Variants in TRPM2 observed in about 807,000 individuals in gnomAD.
TRPM2 encodes transient receptor potential cation channel subfamily M member 2, also known as estrogen-responsive element-associated gene 1 protein.
A neutral mutation model predicts 174.0 loss-of-function variants in TRPM2; 161 were observed. That is an observed-to-expected ratio of 0.93 (90% CI 0.81 to 1.05). The LOEUF is 1.05. Ranked by LOEUF, TRPM2 falls within the 50% of genes least tolerant of loss-of-function variation. The pLI, the probability that TRPM2 is intolerant of heterozygous loss-of-function variation, is 0.00. For missense variants in TRPM2, 2,057 were observed against 2,038.0 expected, an observed-to-expected ratio of 1.01 and a Z score of -0.18; for synonymous variants, 954 against 861.3, an observed-to-expected ratio of 1.11 and a Z score of -1.88.
chr21:44,427,205 TAAAAC>T, intron 27 of TRPM2, 94 bp downstream of exon 27: 3 of 1,124,440 alleles, frequency 2.7e-6, no homozygotes, highest in Non-Finnish European at 3.7e-6. Context: ...ATTTTTCTCA[TAAAAC>T]AAAATCAAAA....
chr21:44,426,815 CAG>C (rs2050802376), intron 26 of TRPM2, 79 bp downstream of exon 26: 3 of 1,559,288 alleles, frequency 1.9e-6, no homozygotes, highest in Non-Finnish European at 2.6e-6. Context: ...GAATCCCAGT[CAG>C]AGCCCAGCCC....
intron 2 of TRPM2, among the ~76,000 whole-genome samples, chr21:44,355,011 C>T (rs770964555): frequency 3.9e-5 from 6 of 151,946 alleles, no homozygotes; most frequent in Admixed American, 1.3e-4. Flanking sequence ...TGTCGCGCGG[C>T]GAGGCCCAGT....
At chr21:44,362,940 A>AT (rs2048258812) in intron 2 of TRPM2, among the ~76,000 whole-genome samples, 1 of 151,944 alleles carries the variant, frequency 6.6e-6, no homozygotes, top group African/African-American at 2.4e-5. Flanking sequence ...TGCCCAGCTG[A>AT]TTTTTTAGAT....
chr21:44,351,730 G>T (rs1005198059), upstream of TRPM2, among the ~76,000 whole-genome samples: 1 of 152,178 alleles, frequency 6.6e-6, no homozygotes, highest in Non-Finnish European at 1.5e-5. Context: ...GCACTGGGTC[G>T]AGCCATTGGC....
At chr21:44,363,672 G>A (rs921795445) in intron 2 of TRPM2, among the ~76,000 whole-genome samples, 1 of 152,144 alleles carries the variant, frequency 6.6e-6, no homozygotes, top group Non-Finnish European at 1.5e-5. Context: ...GGCGTTGGTG[G>A]CTGTTAGCTG....
intron 23 of TRPM2, among the ~76,000 whole-genome samples, chr21:44,424,366 G>T (rs2050672910): frequency 6.6e-6 from 1 of 152,216 alleles, no homozygotes; most frequent in African/African-American, 2.4e-5. Context: ...GCCATGCTGG[G>T]ACCCCTGACA....
In TRPM2 at chr21:44,379,273, A is replaced by G. The variant is rs905825056; in HGVS notation, c.1215+76A>G. ...CACTGTCAGCCTGGTGGGCAGGACC[A>G]GGACTCATGGACCGATGCGGAGAAC... On this transcript the variant is annotated intron_variant, in intron 8 of 31. Transcript: ENST00000397928. The G allele has an allele frequency of 2.6e-6, 4 of 1,537,078 alleles. No homozygotes were observed. The South Asian group carries it at 4.7e-5, about 18-fold the overall frequency.
intron 30 of TRPM2, among the ~76,000 whole-genome samples, chr21:44,440,331 T>G (rs547168694): frequency 0.014 from 199 of 14,364 alleles, no homozygotes; most frequent in Non-Finnish European, 0.023. Flanking sequence ...AAAAAAAAAG[T>G]GATCAATGCC....
chr21:44,405,379 G>A, intron 17 of TRPM2, 119 bp downstream of exon 17: 1 of 1,465,820 alleles, frequency 6.8e-7, no homozygotes, highest in Admixed American at 2.0e-5. Context: ...TGTGAACCCT[G>A]GATTGTCATC....
At chr21:44,423,615 T>A in intron 22 of TRPM2, 30 bp from the exon 23 acceptor site, 1 of 1,594,274 alleles carries the variant, frequency 6.3e-7, no homozygotes, top group Non-Finnish European at 8.5e-7. Context: ...AGGTGTGGTG[T>A]GCGTCCAGCT....
chr21:44,427,378 C>A (rs761109906), intron 27 of TRPM2, among the ~76,000 whole-genome samples: 1 of 152,104 alleles, frequency 6.6e-6, no homozygotes, highest in Non-Finnish European at 1.5e-5. Context: ...TGTCTGTGTA[C>A]GTGGGGATGG....
At chr21:44,413,679 GC>G (rs1192699283) in intron 19 of TRPM2, among the ~76,000 whole-genome samples, 1 of 152,160 alleles carries the variant, frequency 6.6e-6, no homozygotes, top group Non-Finnish European at 1.5e-5. Context: ...GTGCAGCTCT[GC>G]CCCCGGGGCC....
intron 5 of TRPM2, among the ~76,000 whole-genome samples, chr21:44,370,256 G>A (rs924639436): frequency 6.6e-6 from 1 of 152,160 alleles, no homozygotes; most frequent in Middle Eastern, 3.2e-3. Flanking sequence ...CCGAACCGGA[G>A]CTTTTAGCAC....
Position 44,438,730 on chromosome 21 carries a change from G to A in TRPM2, c.4168-337G>A, listed in dbSNP as rs1212849922. Among the ~76,000 whole-genome samples, 4 of 152,140 alleles carry A rather than the reference G, an allele frequency of 2.6e-5. No homozygotes were observed. The highest frequency in any genetic ancestry group is 2.1e-4 in the South Asian group (1 of 4,836). On this transcript the variant is annotated intron_variant, in intron 29 of 31. Coordinates refer to ENST00000397928, the MANE Select transcript of TRPM2 (RefSeq NM_003307.4). The surrounding 1 kb of genome is among the most constrained non-coding windows in gnomAD (Gnocchi z 5.9). ...GCACTGGGCGGGAGCTGGGAGGGGC[G>A]ACGCGGGGGCAGGCGCCAGGGGAGC...
At chr21:44,370,300 C>CGG (rs2048495551) in intron 5 of TRPM2, among the ~76,000 whole-genome samples, 1 of 152,102 alleles carries the variant, frequency 6.6e-6, no homozygotes, top group Admixed American at 6.6e-5. Flanking sequence ...CTCCTGCAGC[C>CGG]GGGAATCCCA....
At chr21:44,407,223 G>A (rs536659222) in intron 19 of TRPM2, among the ~76,000 whole-genome samples, 63 of 78,930 alleles carry the variant, frequency 8.0e-4, no homozygotes, top group African/African-American at 3.1e-3. Flanking sequence ...CACCTCCTGC[G>A]CTCAAGTCCT....
intron 19 of TRPM2, among the ~76,000 whole-genome samples, chr21:44,407,128 T>G (rs931219256): frequency 8.5e-6 from 1 of 118,048 alleles, no homozygotes; most frequent in Non-Finnish European, 1.7e-5. Flanking sequence ...ATGGAAATAA[T>G]TCATTCCTCC....
chr21:44,426,476 C>A (rs562791885), intron 25 of TRPM2, among the ~76,000 whole-genome samples, 184 bp from the exon 26 acceptor site: 2 of 152,118 alleles, frequency 1.3e-5, no homozygotes, highest in South Asian at 2.1e-4. Flanking sequence ...ATCCCAGCCC[C>A]CGGCCCTGCC....
At chr21:44,370,965 A>G (rs1331810557) in intron 5 of TRPM2, among the ~76,000 whole-genome samples, 1 of 152,200 alleles carries the variant, frequency 6.6e-6, no homozygotes, top group Non-Finnish European at 1.5e-5. Flanking sequence ...TGTGTGTCCC[A>G]GCCCGGCTGC....
Sources: allele counts gnomAD v4.1 joint callset (sites outside exome capture counted in the v4.1 genomes callset), GRCh38; gene constraint gnomAD v4.1.1; non-coding constraint Gnocchi (gnomAD v3.1); transcripts MANE v1.5; gene names NCBI Gene and HGNC (gene_info 2026-07-23, HGNC 2026-07-21).